Variants in MARCHF3 observed in about 807,000 individuals in gnomAD.
MARCHF3 encodes the protein E3 ubiquitin-protein ligase MARCHF3.
Under a neutral mutation model 24.2 loss-of-function variants are expected in MARCHF3, and 13 were observed. The ratio of observed to expected loss-of-function variants is 0.54; its 90% CI spans 0.35 to 0.85. The LOEUF is 0.85. MARCHF3 is among the 40% of genes least tolerant of loss of function. The pLI is 0.01. For synonymous variants in MARCHF3, 144 were observed against 137.3 expected, an observed-to-expected ratio of 1.05 and a Z score of -0.34; for missense variants, 276 against 325.0, an observed-to-expected ratio of 0.85 and a Z score of 1.16.
intron 3 of MARCHF3, among the ~76,000 whole-genome samples, chr5:126,889,664 A>G (rs1753614547): frequency 6.6e-6 from 1 of 152,192 alleles, no homozygotes; most frequent in African/African-American, 2.4e-5. Context: ...TGCAGTCCCT[A>G]TAGTCCAATG....
At chr5:126,922,797 C>T (rs895662521) in intron 1 of MARCHF3, among the ~76,000 whole-genome samples, 4 of 152,156 alleles carry the variant, frequency 2.6e-5, no homozygotes, top group Admixed American at 1.3e-4. Context: ...CCGCCCACCT[C>T]GGCCTCCCAA....
intron 1 of MARCHF3, among the ~76,000 whole-genome samples, chr5:126,925,753 A>G (rs964578637): frequency 5.9e-5 from 9 of 152,200 alleles, no homozygotes; most frequent in African/African-American, 2.2e-4. Flanking sequence ...CACATCAGAA[A>G]AGTTTAAACA....
intron 1 of MARCHF3, among the ~76,000 whole-genome samples, chr5:127,014,315 C>G (rs1454272118): frequency 6.6e-6 from 1 of 152,064 alleles, no homozygotes; most frequent in Admixed American, 6.6e-5. Flanking sequence ...ACCCCAGATA[C>G]GATGGCTACT....
chr5:126,873,424 AG>A (rs1753039530), intron 4 of MARCHF3, among the ~76,000 whole-genome samples: 1 of 151,286 alleles, frequency 6.6e-6, no homozygotes, highest in Non-Finnish European at 1.5e-5. Context: ...AAAAAAAAAA[AG>A]AGAGACAGAG....
intron 1 of MARCHF3, among the ~76,000 whole-genome samples, chr5:126,994,066 G>T (rs945464418): frequency 2.6e-5 from 4 of 152,148 alleles, no homozygotes; most frequent in African/African-American, 9.7e-5. Flanking sequence ...AATGGTATAC[G>T]CATGCTTATA....
At position 126,920,955 on chromosome 5, in the gene MARCHF3, T is replaced by G. The variant is rs114334061; in HGVS notation, c.-56-2728A>C. Among the ~76,000 whole-genome samples, 41 of 151,926 alleles carry G rather than the reference T, an allele frequency of 2.7e-4. No individual in the cohort carries two copies. The South Asian group carries it at 6.7e-3, about 25-fold the overall frequency. On this transcript the variant is annotated intron_variant, in intron 1 of 4. Coordinates refer to ENST00000308660, the MANE Select transcript of MARCHF3 (RefSeq NM_178450.5). ...TTCGTAGTGGGTGCTGGGCACTGAG[T>G]TTAGCATAAAAGAACAAAAGAAACC...
chr5:126,877,328 G>A (rs1165555104), intron 4 of MARCHF3, among the ~76,000 whole-genome samples: 6 of 152,170 alleles, frequency 3.9e-5, no homozygotes, highest in Admixed American at 1.3e-4. Context: ...ACAGTGGAAC[G>A]TGCTCAGATT....
chr5:126,960,521 C>G (rs993749136), intron 1 of MARCHF3, among the ~76,000 whole-genome samples: 3 of 150,412 alleles, frequency 2.0e-5, no homozygotes, highest in Non-Finnish European at 2.9e-5. Flanking sequence ...TAATGCAAAC[C>G]CTAAAACTTT....
chr5:127,007,935 C>A (rs985855261), intron 1 of MARCHF3, among the ~76,000 whole-genome samples: 1 of 151,818 alleles, frequency 6.6e-6, no homozygotes, highest in Non-Finnish European at 1.5e-5. Flanking sequence ...TAAATACATG[C>A]AACATGCTAC....
At chr5:126,911,778 G>T (rs748820143) in intron 3 of MARCHF3, among the ~76,000 whole-genome samples, 1 of 152,228 alleles carries the variant, frequency 6.6e-6, no homozygotes, top group Non-Finnish European at 1.5e-5. Context: ...GACTGGCCAT[G>T]TAGGTAGGTA....
At chr5:126,966,557 A>G (rs1215066173) in intron 1 of MARCHF3, among the ~76,000 whole-genome samples, 6 of 152,056 alleles carry the variant, frequency 3.9e-5, no homozygotes, top group African/African-American at 1.5e-4. Flanking sequence ...AAGACTTTAA[A>G]ATAAAGCTAT....
chr5:127,001,775 G>T (rs536602486), intron 1 of MARCHF3, among the ~76,000 whole-genome samples: 1 of 152,248 alleles, frequency 6.6e-6, no homozygotes, highest in South Asian at 2.1e-4. Flanking sequence ...AGTCATCAGG[G>T]TGCCCACATG....
At chr5:126,991,161 A>G (rs892322872) in intron 1 of MARCHF3, among the ~76,000 whole-genome samples, 25 of 152,342 alleles carry the variant, frequency 1.6e-4, no homozygotes, top group African/African-American at 5.1e-4. Flanking sequence ...ATGTCCATCA[A>G]TGATAGACTG....
At chr5:126,897,695 C>T (rs1186109475) in intron 3 of MARCHF3, among the ~76,000 whole-genome samples, 1 of 152,048 alleles carries the variant, frequency 6.6e-6, no homozygotes, top group African/African-American at 2.4e-5. Flanking sequence ...CCATTGACGC[C>T]TCTGGGCCAG....
intron 1 of MARCHF3, among the ~76,000 whole-genome samples, chr5:127,010,472 G>A (rs1752438721): frequency 6.6e-6 from 1 of 152,086 alleles, no homozygotes; most frequent in South Asian, 2.1e-4. Context: ...TGTGAGGGTC[G>A]AGAACCAGGC....
intron 1 of MARCHF3, among the ~76,000 whole-genome samples, chr5:126,959,655 C>A (rs927128602): frequency 3.3e-5 from 5 of 152,090 alleles, no homozygotes; most frequent in African/African-American, 1.2e-4. Context: ...AAAGAAGGTG[C>A]AAGGAATAGG....
intron 1 of MARCHF3, among the ~76,000 whole-genome samples, chr5:127,013,695 C>G (rs1752542878): frequency 6.6e-6 from 1 of 152,106 alleles, no homozygotes; most frequent in South Asian, 2.1e-4. Context: ...AAAAATTACT[C>G]TCACATAGAG....
intron 1 of MARCHF3, among the ~76,000 whole-genome samples, chr5:126,953,172 G>T (rs922304710): frequency 6.6e-6 from 1 of 151,916 alleles, no homozygotes; most frequent in Non-Finnish European, 1.5e-5. Context: ...AGTTCTAATT[G>T]CCTTTTTTTC....
At chr5:126,912,072 T>G (rs1472968670) in intron 3 of MARCHF3, among the ~76,000 whole-genome samples, 1 of 152,164 alleles carries the variant, frequency 6.6e-6, no homozygotes, top group African/African-American at 2.4e-5. Flanking sequence ...AGCCCATTGA[T>G]TTGCCATTAT....
Sources: gnomAD v4.1 joint callset for allele counts (sites outside exome capture counted in the v4.1 genomes callset) on GRCh38, gnomAD v4.1.1 for gene constraint, MANE v1.5 for transcripts, NCBI Gene and HGNC (gene_info 2026-07-23, HGNC 2026-07-21) for gene names.